HMGN3: variants seen among roughly 807,000 people sequenced by gnomAD.
HMGN3 encodes the protein high mobility group nucleosome-binding domain-containing protein 3.
Under a neutral mutation model 18.8 loss-of-function variants are expected in HMGN3, and 6 were observed. The observed-to-expected ratio is 0.32, with a 90% CI of 0.18 to 0.63. The LOEUF is 0.63. Ranked by LOEUF, HMGN3 falls within the 30% of genes least tolerant of loss-of-function variation. The probability of loss-of-function intolerance (pLI) is 0.79; values close to 1 mark genes in which losing one functional copy is unlikely to be tolerated. For missense variants in HMGN3, 107 were observed against 114.2 expected (o/e 0.94, Z 0.29); for synonymous variants, 40 against 36.5 (o/e 1.10, Z -0.35).
intron 1 of HMGN3, among the ~76,000 whole-genome samples, chr6:79,223,824 C>A (rs971972834): frequency 2.0e-5 from 3 of 151,350 alleles, no homozygotes; most frequent in African/African-American, 7.3e-5. Context: ...GAATTCCAGT[C>A]TGGCTCACAC....
Position 79,208,397 on chromosome 6 carries a change from A to C in HMGN3, c.96+150T>G, listed in dbSNP as rs1776520628. 44 of 709,654 alleles carry C rather than the reference A, an allele frequency of 6.2e-5. No homozygotes were observed. In the South Asian group the frequency reaches 7.8e-4, roughly 13 times the overall value. The allele number at this position is 709,654 out of a possible 1,614,324, so 44.0% of individuals were successfully genotyped here. On this transcript the variant is annotated intron_variant, in intron 3 of 5. Coordinates refer to ENST00000344726, the Ensembl canonical transcript of HMGN3. ...AGTGAATTGCTTGGCAACACTGGTC[A>C]AATTTGCTAGACATGAGGACCCTAG...
At chr6:79,211,011 CAAAAAAAAAAA>C (rs59749044) in intron 2 of HMGN3, among the ~76,000 whole-genome samples, 1 of 89,746 alleles carries the variant, frequency 1.1e-5, no homozygotes, top group South Asian at 4.6e-4. Flanking sequence ...GAAATTAATG[CAAAAAAAAAAA>C]AAAAAAAAAA....
chr6:79,230,091 C>G (rs573231678), intron 1 of HMGN3, among the ~76,000 whole-genome samples: 1 of 152,228 alleles, frequency 6.6e-6, no homozygotes, highest in East Asian at 1.9e-4. Context: ...TACAATGGAA[C>G]ACTACTGGAC....
chr6:79,221,689 G>A (rs965779820), intron 1 of HMGN3, among the ~76,000 whole-genome samples: 4 of 152,274 alleles, frequency 2.6e-5, no homozygotes, highest in South Asian at 4.1e-4. Flanking sequence ...GCTTAGGAAC[G>A]GCTTTAGATG....
chr6:79,233,604 G>C (rs1269064951), intron 1 of HMGN3: 2 of 152,218 alleles, frequency 1.3e-5, no homozygotes, highest in Non-Finnish European at 2.9e-5. Flanking sequence ...CAGGGAGGAG[G>C]AAACCTTTCC....
chr6:79,204,893 C>T (rs1026535977), intron 3 of HMGN3, among the ~76,000 whole-genome samples: 3 of 152,162 alleles, frequency 2.0e-5, no homozygotes, highest in Admixed American at 1.3e-4. Context: ...GAATTTAAAA[C>T]ATTTTGTCAT....
Position 79,206,557 on chromosome 6 carries a change from C to T in HMGN3, c.96+1990G>A, listed in dbSNP as rs573971752. On this transcript the variant is annotated intron_variant, in intron 3 of 5. Coordinates refer to ENST00000344726, the Ensembl canonical transcript of HMGN3. The stretch of plus-strand genomic sequence containing the variant: ...GAACCTCTGCGTAGATTTCAGAAGA[C>T]GTATGGAAACAACTGGATGCCCAGG... Among the ~76,000 whole-genome samples, 18 of 152,292 alleles carry T rather than the reference C, an allele frequency of 1.2e-4. 1 individual carries two copies. The South Asian group carries it at 1.2e-3, about 11-fold the overall frequency.
At chr6:79,228,730 G>A (rs372918138) in intron 1 of HMGN3, among the ~76,000 whole-genome samples, 4 of 152,102 alleles carry the variant, frequency 2.6e-5, no homozygotes, top group Non-Finnish European at 2.9e-5. Context: ...CCAAGATAGC[G>A]TAGTTTTTAA....
intron 2 of HMGN3, among the ~76,000 whole-genome samples, chr6:79,214,188 C>T (rs1582417075): frequency 6.6e-6 from 1 of 151,544 alleles, no homozygotes; most frequent in South Asian, 2.1e-4. Context: ...TTGTGTATCC[C>T]TCTACAGTTC....
At chr6:79,231,714 GA>G (rs1483759400) in intron 1 of HMGN3, among the ~76,000 whole-genome samples, 2 of 152,172 alleles carry the variant, frequency 1.3e-5, no homozygotes, top group African/African-American at 4.8e-5. Flanking sequence ...AACAAAAAAT[GA>G]CTCTGACTTC....
intron 3 of HMGN3, among the ~76,000 whole-genome samples, chr6:79,207,243 A>G (rs1192632952): frequency 6.6e-6 from 1 of 152,066 alleles, no homozygotes; most frequent in Non-Finnish European, 1.5e-5. Flanking sequence ...GCAGAATGAT[A>G]TGGTTTGGCT....
At chr6:79,203,324 G>A (rs1042869994) in intron 4 of HMGN3, among the ~76,000 whole-genome samples, 1 of 152,166 alleles carries the variant, frequency 6.6e-6, no homozygotes, top group African/African-American at 2.4e-5. Flanking sequence ...TGTTCACGAG[G>A]CTGCTGCCAA....
At chr6:79,204,788 C>T (rs184497942) in intron 3 of HMGN3, among the ~76,000 whole-genome samples, 22 of 152,210 alleles carry the variant, frequency 1.4e-4, no homozygotes, top group African/African-American at 4.8e-4. Context: ...AAAAGAAAAT[C>T]GAGCTTGAAA....
At chr6:79,214,431 G>A (rs921509136) in intron 2 of HMGN3, among the ~76,000 whole-genome samples, 1 of 152,014 alleles carries the variant, frequency 6.6e-6, no homozygotes. Context: ...TCTATCTCCT[G>A]ACCTCGTGAT....
At chr6:79,217,874 T>C (rs1777072892) in intron 1 of HMGN3, among the ~76,000 whole-genome samples, 1 of 152,148 alleles carries the variant, frequency 6.6e-6, no homozygotes, top group Admixed American at 6.5e-5. Context: ...GGATCTCAGA[T>C]GTACTTCAAC....
At chr6:79,233,969 C>G (rs944731592) in intron 1 of HMGN3, 1 of 152,554 alleles carries the variant, frequency 6.6e-6, no homozygotes, top group Admixed American at 6.5e-5. Flanking sequence ...GGCCCCAGCC[C>G]TGATTGACAC....
intron 1 of HMGN3, among the ~76,000 whole-genome samples, chr6:79,228,129 G>T (rs1272168457): frequency 6.6e-6 from 1 of 152,072 alleles, no homozygotes; most frequent in Non-Finnish European, 1.5e-5. Context: ...CCAAACCTTT[G>T]AATGCTCACT....
At chr6:79,221,576 C>T (rs898625597) in intron 1 of HMGN3, among the ~76,000 whole-genome samples, 2 of 152,176 alleles carry the variant, frequency 1.3e-5, no homozygotes, top group African/African-American at 4.8e-5. Flanking sequence ...GTGCTTACCA[C>T]AACATAAACA....
chr6:79,209,619 T>A (rs913111505), intron 2 of HMGN3, among the ~76,000 whole-genome samples: 1 of 152,190 alleles, frequency 6.6e-6, no homozygotes, highest in Non-Finnish European at 1.5e-5. Context: ...ATAGCTTAAA[T>A]GTTTCAAATA....
Sources: gnomAD v4.1 joint callset for allele counts (sites outside exome capture counted in the v4.1 genomes callset) on GRCh38, gnomAD v4.1.1 for gene constraint, MANE v1.5 for transcripts, NCBI Gene and HGNC (gene_info 2026-07-23, HGNC 2026-07-21) for gene names.